ABHD2: variants seen among roughly 807,000 people sequenced by gnomAD.
The protein encoded by ABHD2 is abhydrolase domain containing 2, acylglycerol lipase, also known as monoacylglycerol lipase ABHD2.
ABHD2 carries 20 observed loss-of-function variants against 48.1 expected under a neutral mutation model. That is an observed-to-expected ratio of 0.42 (90% CI 0.29 to 0.60). The LOEUF (loss-of-function observed/expected upper bound fraction) is 0.60, where lower values mean the gene tolerates loss of function less well. Among genes scored for constraint, ABHD2 ranks in the 20% least tolerant of loss-of-function variants. The pLI is 0.24. For synonymous variants in ABHD2, 209 were observed against 214.2 expected (o/e 0.98, Z 0.21); for missense variants, 405 against 550.9 (o/e 0.74, Z 2.65).
chr15:89,136,416 T>C, intron 3 of ABHD2: 1 of 501,138 alleles, frequency 2.0e-6, no homozygotes, highest in Non-Finnish European at 3.9e-6. Flanking sequence ...TTTGTTCTTA[T>C]GTGCCTCCCT....
At chr15:89,118,771 G>A (rs1237958391) in intron 3 of ABHD2, among the ~76,000 whole-genome samples, 1 of 152,164 alleles carries the variant, frequency 6.6e-6, no homozygotes, top group African/African-American at 2.4e-5. Flanking sequence ...ATTGTTCAAA[G>A]TGTAAAAGAA....
intron 1 of ABHD2, among the ~76,000 whole-genome samples, chr15:89,096,837 G>C (rs979218651): frequency 1.3e-5 from 2 of 152,196 alleles, no homozygotes; most frequent in Non-Finnish European, 2.9e-5. Flanking sequence ...CTACATTAAT[G>C]AAAGGAAGAC....
intron 1 of ABHD2, among the ~76,000 whole-genome samples, chr15:89,107,040 AG>A (rs1427898522): frequency 6.6e-6 from 1 of 152,046 alleles, no homozygotes; most frequent in Non-Finnish European, 1.5e-5. Flanking sequence ...GTTTTATCTC[AG>A]GGCATTACAG....
intron 3 of ABHD2, among the ~76,000 whole-genome samples, chr15:89,145,118 T>C (rs1423356940): frequency 6.6e-6 from 1 of 152,122 alleles, no homozygotes; most frequent in African/African-American, 2.4e-5. Context: ...TAGCCAGGCG[T>C]GGTGGCAGGT....
chr15:89,201,578 A>G lies in ABHD2; in HGVS notation c.*6155A>G. The G allele has an allele frequency of 6.3e-7, 1 of 1,596,446 alleles. No individual in the cohort carries two copies. Among genetic ancestry groups the G allele is most frequent in the South Asian group, 1.1e-5 (1 of 90,694 alleles). ...CAAAGGGCTGTAGCATTACTGAAAC[A>G]GTCACAGTTGACCCTGGGTCAATAA... On this transcript the variant is annotated 3_prime_UTR_variant, in exon 11 of 11. Transcript: ENST00000352732.
intron 5 of ABHD2, among the ~76,000 whole-genome samples, chr15:89,169,899 C>G (rs2050893079): frequency 6.6e-6 from 1 of 152,004 alleles, no homozygotes; most frequent in Admixed American, 6.6e-5. Context: ...CCTAGACCCC[C>G]AGTTTTTCTC....
chr15:89,134,003 AT>A (rs1269864027), intron 3 of ABHD2, among the ~76,000 whole-genome samples: 3 of 151,274 alleles, frequency 2.0e-5, no homozygotes, highest in African/African-American at 4.9e-5. Flanking sequence ...CGACCGGCTA[AT>A]TTTTTTTGTA....
chr15:89,071,263 TA>T, the ABHD2 span, among the ~76,000 whole-genome samples: 3 of 151,898 alleles, frequency 2.0e-5, no homozygotes, highest in Non-Finnish European at 4.4e-5. Context: ...CTACTAAAAA[TA>T]TAAAAAATTA....
Position 89,146,355 on chromosome 15 carries a change from CGTGTGTGTGTGTGT to C in ABHD2, c.195-5291_195-5278del, listed in dbSNP as rs4032279. ...TGAGCTTCATCTGCTCAAAGACGTA[CGTGTGTGTGTGTGT>C]GTGTGTGTGTGTGTGTGTGTGTGTG... is the stretch of plus-strand genomic sequence containing the variant. On this transcript the variant is annotated intron_variant, in intron 3 of 10. Coordinates refer to ENST00000352732, the MANE Select transcript of ABHD2 (RefSeq NM_152924.5). The surrounding 1 kb of genome is among the most constrained non-coding windows in gnomAD (Gnocchi z 4.2). 1.8e-3 allele frequency among the ~76,000 whole-genome samples: 222 copies of C among 121,650 alleles called. 4 individuals carry two copies. In the South Asian group the frequency reaches 0.034, roughly 19 times the overall value. The allele number at this position is 121,650 out of a possible 152,430, so 79.8% of individuals were successfully genotyped here.
At chr15:89,054,047 C>T in the ABHD2 span, among the ~76,000 whole-genome samples, 1 of 152,102 alleles carries the variant, frequency 6.6e-6, no homozygotes, top group Admixed American at 6.6e-5. Context: ...GAAAGGCAGG[C>T]ACAGTGGCTC....
At chr15:89,081,382 C>T in the ABHD2 span, among the ~76,000 whole-genome samples, 1 of 151,920 alleles carries the variant, frequency 6.6e-6, no homozygotes, top group African/African-American at 2.4e-5. Flanking sequence ...TTATTTATCC[C>T]TTCATCCATC....
At chr15:89,053,406 A>G in the ABHD2 span, among the ~76,000 whole-genome samples, 1 of 152,178 alleles carries the variant, frequency 6.6e-6, no homozygotes, top group Non-Finnish European at 1.5e-5. Context: ...CATGCAGCAT[A>G]ATCTCACCAC....
intron 3 of ABHD2, among the ~76,000 whole-genome samples, chr15:89,134,927 C>T (rs2050278386): frequency 6.6e-6 from 1 of 151,986 alleles, no homozygotes; most frequent in South Asian, 2.1e-4. Flanking sequence ...ATTTGTAGAA[C>T]CTACTTTTTC....
the ABHD2 span, among the ~76,000 whole-genome samples, chr15:89,053,114 G>T: frequency 6.6e-6 from 1 of 151,878 alleles, no homozygotes; most frequent in African/African-American, 2.4e-5. Context: ...CTACAGGCAC[G>T]TGCCACCACG....
chr15:89,070,882 C>G, the ABHD2 span, among the ~76,000 whole-genome samples: 2 of 152,226 alleles, frequency 1.3e-5, no homozygotes, highest in East Asian at 3.9e-4. Flanking sequence ...GGGGGTTCCT[C>G]ATGCCATTCT....
chr15:89,077,163 T>C, the ABHD2 span, among the ~76,000 whole-genome samples: 1 of 152,210 alleles, frequency 6.6e-6, no homozygotes, highest in Non-Finnish European at 1.5e-5. Context: ...TCCCAGTCTC[T>C]ACCACCTCAC....
In ABHD2 at chr15:89,196,189, A is replaced by G. The variant is rs2150959484; in HGVS notation, c.*766A>G. The G allele has an allele frequency of 6.6e-6, 1 of 152,260 alleles. No individual in the cohort carries two copies. The highest frequency in any genetic ancestry group is 2.4e-5 in the African/African-American group (1 of 41,524). 9.4% of individuals were successfully genotyped at this position (152,260 alleles called of 1,614,324 possible). ...GAAATGCTGTTCAACAGCGCCCTTAAATTGGAAACATCTTTGCAGCTCGTT... is the reference window on the plus strand; with the variant it reads ...GAAATGCTGTTCAACAGCGCCCTTAGATTGGAAACATCTTTGCAGCTCGTT... On this transcript the variant is annotated 3_prime_UTR_variant, in exon 11 of 11. Transcript: ENST00000352732.
rs1187717534 is a variant in ABHD2 at position 89,164,718 on chromosome 15, A to C, written c.538+9184A>C. Among the ~76,000 whole-genome samples the C allele has an allele frequency of 6.6e-6, 1 of 152,026 alleles. No homozygotes were observed. The highest frequency in any genetic ancestry group is 1.9e-4 in the East Asian group (1 of 5,182). ...GAGAATCGCTTGAGCCCAGGAGTGC[A>C]GTGAGCCAAGATTACGCCACTGCAC... On this transcript the variant is annotated intron_variant, in intron 5 of 10. Transcript: ENST00000352732. This position sits in a 1 kb window ranked among gnomAD's most constrained non-coding sequence, Gnocchi z 5.0.
At chr15:89,099,640 C>T (rs1054853814) in intron 1 of ABHD2, among the ~76,000 whole-genome samples, 2 of 149,626 alleles carry the variant, frequency 1.3e-5, no homozygotes, top group Non-Finnish European at 3.0e-5. Flanking sequence ...AAATAAAAGG[C>T]GGGGTGCAGT....
Sources: allele counts gnomAD v4.1 joint callset (sites outside exome capture counted in the v4.1 genomes callset), GRCh38; gene constraint gnomAD v4.1.1; non-coding constraint Gnocchi (gnomAD v3.1); transcripts MANE v1.5; gene names NCBI Gene and HGNC (gene_info 2026-07-23, HGNC 2026-07-21).